LOC128706665: variants seen among roughly 807,000 people sequenced by gnomAD.
the LOC128706665 span, among the ~76,000 whole-genome samples, chr20:10,415,402 G>A: frequency 1.4e-4 from 21 of 152,150 alleles, no homozygotes; most frequent in Non-Finnish European, 2.8e-4. Context: ...GGAATGTTAT[G>A]CAAATGTTAT....
At chr20:10,422,423 T>C in the LOC128706665 span, among the ~76,000 whole-genome samples, 4 of 152,142 alleles carry the variant, frequency 2.6e-5, no homozygotes, top group Non-Finnish European at 5.9e-5. Flanking sequence ...TTAAATTTCA[T>C]TGTGAAGTCC....
chr20:10,423,315 G>A, the LOC128706665 span, among the ~76,000 whole-genome samples: 3 of 152,096 alleles, frequency 2.0e-5, no homozygotes, highest in African/African-American at 7.2e-5. Flanking sequence ...GCTGCGTGGG[G>A]GGTGCTGAGG....
chr20:10,415,107 AG>A, the LOC128706665 span, among the ~76,000 whole-genome samples: 2 of 152,348 alleles, frequency 1.3e-5, no homozygotes, highest in East Asian at 3.9e-4. Context: ...GCTAAAAAAA[AG>A]TGTGCCTTGA....
At chr20:10,423,042 C>T in the LOC128706665 span, among the ~76,000 whole-genome samples, 1 of 152,048 alleles carries the variant, frequency 6.6e-6, no homozygotes, top group East Asian at 1.9e-4. Context: ...AGAGCCATTT[C>T]TGCCATTCAC....
At chr20:10,425,485 G>A in the LOC128706665 span, among the ~76,000 whole-genome samples, 4 of 152,292 alleles carry the variant, frequency 2.6e-5, no homozygotes, top group Admixed American at 6.5e-5. Context: ...TGACAAGAAA[G>A]TTTTTAAAAC....
At chr20:10,426,673 C>G in the LOC128706665 span, among the ~76,000 whole-genome samples, 1 of 152,224 alleles carries the variant, frequency 6.6e-6, no homozygotes, top group Non-Finnish European at 1.5e-5. Flanking sequence ...GCTGGGATTA[C>G]AGGCATGAGC....
chr20:10,415,652 A>G, the LOC128706665 span, among the ~76,000 whole-genome samples: 2 of 152,240 alleles, frequency 1.3e-5, no homozygotes, highest in Non-Finnish European at 2.9e-5. Context: ...GAAACCTCAC[A>G]AAGTGACTTC....
the LOC128706665 span, among the ~76,000 whole-genome samples, chr20:10,417,595 T>A: frequency 6.6e-6 from 1 of 151,766 alleles, no homozygotes; most frequent in Non-Finnish European, 1.5e-5. Flanking sequence ...GGGTGACAAA[T>A]CAAGGCCTGT....
chr20:10,429,726 C>T, the LOC128706665 span, among the ~76,000 whole-genome samples: 1 of 152,116 alleles, frequency 6.6e-6, no homozygotes, highest in East Asian at 1.9e-4. Context: ...TTACATAATC[C>T]CTCCTCCCTA....
At chr20:10,420,969 A>G in the LOC128706665 span, among the ~76,000 whole-genome samples, 2 of 152,218 alleles carry the variant, frequency 1.3e-5, no homozygotes, top group Non-Finnish European at 2.9e-5. Context: ...GGAAACTTAC[A>G]GAGCAATACT....
the LOC128706665 span, among the ~76,000 whole-genome samples, chr20:10,423,769 A>G: frequency 6.6e-6 from 1 of 152,230 alleles, no homozygotes; most frequent in African/African-American, 2.4e-5. Flanking sequence ...TTAAGGATCG[A>G]TGAATCTTTT....
the LOC128706665 span, among the ~76,000 whole-genome samples, chr20:10,433,137 G>A: frequency 6.6e-6 from 1 of 152,238 alleles, no homozygotes; most frequent in Non-Finnish European, 1.5e-5. Flanking sequence ...CCAAGTAGCT[G>A]GGATTACAGG....
the LOC128706665 span, among the ~76,000 whole-genome samples, chr20:10,424,598 T>C: frequency 6.6e-6 from 1 of 152,222 alleles, no homozygotes; most frequent in Non-Finnish European, 1.5e-5. Flanking sequence ...AAAAAATAGT[T>C]TTCAAATTTT....
At chr20:10,428,052 T>C in the LOC128706665 span, among the ~76,000 whole-genome samples, 1 of 152,214 alleles carries the variant, frequency 6.6e-6, no homozygotes, top group African/African-American at 2.4e-5. Flanking sequence ...AAATAAAAAA[T>C]ATACTGAAAG....
the LOC128706665 span, among the ~76,000 whole-genome samples, chr20:10,432,680 A>G: frequency 6.6e-6 from 1 of 150,988 alleles, no homozygotes; most frequent in Admixed American, 6.6e-5. Context: ...TGTAATCCCA[A>G]ACTTCTCCGG....
At chr20:10,428,921 A>C in the LOC128706665 span, among the ~76,000 whole-genome samples, 1 of 152,098 alleles carries the variant, frequency 6.6e-6, no homozygotes, top group Admixed American at 6.5e-5. Context: ...TTCCAGTCCC[A>C]CTTTCTACTG....
chr20:10,427,273 T>C, the LOC128706665 span, among the ~76,000 whole-genome samples: 167 of 152,332 alleles, frequency 1.1e-3, no homozygotes, highest in Middle Eastern at 3.4e-3. Context: ...ATTTTGCCTA[T>C]TGGGCTTGCT....
chr20:10,415,997 C>A, the LOC128706665 span, among the ~76,000 whole-genome samples: 23 of 152,158 alleles, frequency 1.5e-4, no homozygotes, highest in East Asian at 3.9e-3. Context: ...GAAAAAAAAA[C>A]CAAACCACTG....
chr20:10,428,422 G>C, the LOC128706665 span, among the ~76,000 whole-genome samples: 3 of 152,198 alleles, frequency 2.0e-5, no homozygotes, highest in African/African-American at 4.8e-5. Context: ...TCATTTTCAA[G>C]ATTTTAATTG....
Sources: gnomAD v4.1 joint callset for allele counts (sites outside exome capture counted in the v4.1 genomes callset) on GRCh38, gnomAD v4.1.1 for gene constraint, MANE v1.5 for transcripts.